GADL1: variants seen among roughly 807,000 people sequenced by gnomAD.
GADL1 encodes GAD like acidic amino acid decarboxylase 1.
GADL1 carries 71 observed loss-of-function variants against 69.5 expected under a neutral mutation model. The ratio of observed to expected loss-of-function variants is 1.02; its 90% CI spans 0.84 to 1.25. The LOEUF is 1.25. Among genes scored for constraint, GADL1 ranks in the 50% most tolerant of loss-of-function variants. The pLI is 0.00. For missense variants in GADL1, 737 were observed against 631.8 expected (o/e 1.17, Z -1.79); for synonymous variants, 254 against 214.4 (o/e 1.18, Z -1.62).
chr3:30,825,885 C>T (rs1041866711), intron 11 of GADL1, among the ~76,000 whole-genome samples: 4 of 151,846 alleles, frequency 2.6e-5, no homozygotes, highest in African/African-American at 7.3e-5. Flanking sequence ...CACATGTATA[C>T]CTATATAACA....
chr3:30,850,582 T>C (rs998865827), intron 5 of GADL1, among the ~76,000 whole-genome samples: 1 of 152,180 alleles, frequency 6.6e-6, no homozygotes, highest in Admixed American at 6.5e-5. Context: ...ACTTCCAGCA[T>C]CAAATCGATT....
At chr3:30,871,782 G>C (rs1698486377) in intron 1 of GADL1, among the ~76,000 whole-genome samples, 1 of 151,752 alleles carries the variant, frequency 6.6e-6, no homozygotes, top group Non-Finnish European at 1.5e-5. Flanking sequence ...ACACCATCCA[G>C]CTTCTGAGAG....
At chr3:30,846,544 A>C (rs1368190334) in intron 6 of GADL1, among the ~76,000 whole-genome samples, 1 of 151,512 alleles carries the variant, frequency 6.6e-6, no homozygotes, top group East Asian at 1.9e-4. Flanking sequence ...GCTGGTAGAG[A>C]GAACGGGGTA....
rs60227313 is a variant in GADL1 at position 30,889,084 on chromosome 3, TAAAAAAAAAAAAAAAAAAA to T, written c.37+5475_37+5493del. Among the ~76,000 whole-genome samples, 6 of 32,916 alleles carry T rather than the reference TAAAAAAAAAAAAAAAAAAA, an allele frequency of 1.8e-4. No individual in the cohort carries two copies. In the Admixed American group the frequency reaches 2.3e-3, roughly 13 times the overall value. The allele number at this position is 32,916 out of a possible 152,430, so 21.6% of individuals were successfully genotyped here. On this transcript the variant is annotated intron_variant, in intron 1 of 14. Coordinates refer to ENST00000282538, the MANE Select transcript of GADL1 (RefSeq NM_207359.3). ...GAAATACCGAAGACTCGGTAATCTA[TAAAAAAAAAAAAAAAAAAA>T]AAAAAAAAAAAAGAGGATTAATGGA...
At chr3:30,874,980 T>G (rs1458298830) in intron 1 of GADL1, among the ~76,000 whole-genome samples, 4 of 151,900 alleles carry the variant, frequency 2.6e-5, no homozygotes, top group African/African-American at 7.2e-5. Context: ...ACCTGTGCAT[T>G]GGCTCAGAGC....
chr3:30,803,084 C>T lies in GADL1; in HGVS notation c.1051-1996G>A, dbSNP rs182091786. Among the ~76,000 whole-genome samples the T allele has an allele frequency of 1.0e-3, 158 of 152,276 alleles. 1 individual carries two copies. The highest frequency in any genetic ancestry group is 4.4e-3 in the Admixed American group (68 of 15,294). ...ACCAGCCTACGCAACACAGTGGGAC[C>T]CTGTCTCTAGAATAATAAGAAAAAT... On this transcript the variant is annotated intron_variant, in intron 11 of 14. Coordinates refer to ENST00000282538, the MANE Select transcript of GADL1 (RefSeq NM_207359.3).
intron 1 of GADL1, among the ~76,000 whole-genome samples, chr3:30,863,824 G>A (rs1050348404): frequency 1.3e-5 from 2 of 151,396 alleles, no homozygotes; most frequent in Non-Finnish European, 2.9e-5. Flanking sequence ...AAAGTTAAAC[G>A]TTCTGATAAA....
At chr3:30,858,108 T>C (rs1398839989) in intron 2 of GADL1, among the ~76,000 whole-genome samples, 1 of 152,034 alleles carries the variant, frequency 6.6e-6, no homozygotes, top group Non-Finnish European at 1.5e-5. Flanking sequence ...AATATACTGT[T>C]ACTTATTGTA....
intron 14 of GADL1, among the ~76,000 whole-genome samples, chr3:30,744,257 A>G (rs1270105736): frequency 6.6e-6 from 1 of 152,120 alleles, no homozygotes; most frequent in Non-Finnish European, 1.5e-5. Context: ...AAGCCCCCAA[A>G]CCCTGCATTC....
chr3:30,867,232 T>C (rs749844666), intron 1 of GADL1, among the ~76,000 whole-genome samples: 25 of 151,910 alleles, frequency 1.6e-4, no homozygotes, highest in Non-Finnish European at 2.6e-4. Context: ...TTCCCATTTA[T>C]ATTAATAATA....
At chr3:30,819,517 A>AC (rs749528361) in intron 11 of GADL1, among the ~76,000 whole-genome samples, 7 of 152,164 alleles carry the variant, frequency 4.6e-5, no homozygotes, top group African/African-American at 7.2e-5. Flanking sequence ...GAGTAAACTA[A>AC]CATGGTTATT....
At position 30,848,619 on chromosome 3, in the gene GADL1, T is replaced by A. The variant is rs1159346187; in HGVS notation, c.651+1377A>T. Reference sequence around the variant, plus strand: ...CCTGGGTGATGAAGCAGTGGTAGAATAGACGGAGGCATCCACTAGAATCAC... The same window carrying A: ...CCTGGGTGATGAAGCAGTGGTAGAAAAGACGGAGGCATCCACTAGAATCAC... On this transcript the variant is annotated intron_variant, in intron 6 of 14. Coordinates refer to ENST00000282538, the MANE Select transcript of GADL1 (RefSeq NM_207359.3). Among the ~76,000 whole-genome samples the A allele has an allele frequency of 2.0e-5, 3 of 152,128 alleles. No individual in the cohort carries two copies. The East Asian group carries it at 5.8e-4, about 30-fold the overall frequency.
chr3:30,874,838 A>AGG (rs1340297847), intron 1 of GADL1, among the ~76,000 whole-genome samples: 2 of 152,056 alleles, frequency 1.3e-5, no homozygotes, highest in East Asian at 3.9e-4. Flanking sequence ...ACCTGCTTGA[A>AGG]GGGTATATCA....
chr3:30,764,240 C>A lies in GADL1; in HGVS notation c.1392+13939G>T, dbSNP rs553032807. Among the ~76,000 whole-genome samples the A allele has an allele frequency of 1.3e-4, 19 of 150,932 alleles. No homozygotes were observed. The South Asian group carries it at 3.4e-3, about 27-fold the overall frequency. On this transcript the variant is annotated intron_variant, in intron 14 of 14. Transcript: ENST00000282538. ...AATTCTCTTAAGAGATTTTTAGATC[C>A]GAGTCATTTTCCCTACTCAAATTTG...
intron 13 of GADL1, 131 bp from the exon 14 acceptor site, chr3:30,778,399 T>A (rs778783190): frequency 4.8e-6 from 3 of 627,020 alleles, no homozygotes; most frequent in Non-Finnish European, 8.5e-6. Flanking sequence ...CAGAATCTTA[T>A]AGAGTAACAA....
intron 14 of GADL1, among the ~76,000 whole-genome samples, chr3:30,767,123 T>C (rs1390307630): frequency 2.0e-5 from 3 of 152,178 alleles, no homozygotes; most frequent in Admixed American, 2.0e-4. Context: ...TTTTTAAATA[T>C]CCTCCTGTTA....
chr3:30,835,072 C>A (rs1425764281), intron 9 of GADL1, among the ~76,000 whole-genome samples: 1 of 152,056 alleles, frequency 6.6e-6, no homozygotes, highest in East Asian at 1.9e-4. Flanking sequence ...TTGATTTAAA[C>A]CTTACAGCAT....
At chr3:30,885,046 A>G (rs1310482483) in intron 1 of GADL1, among the ~76,000 whole-genome samples, 1 of 152,052 alleles carries the variant, frequency 6.6e-6, no homozygotes, top group Non-Finnish European at 1.5e-5. Context: ...GTATTTGTTC[A>G]ATACCAACTT....
intron 11 of GADL1, among the ~76,000 whole-genome samples, chr3:30,804,800 T>C (rs1473520205): frequency 6.6e-6 from 1 of 152,226 alleles, no homozygotes; most frequent in South Asian, 2.1e-4. Context: ...ACTACTTTAC[T>C]GTCTGGTTCT....
Sources: gnomAD v4.1 joint callset for allele counts (sites outside exome capture counted in the v4.1 genomes callset) on GRCh38, gnomAD v4.1.1 for gene constraint, MANE v1.5 for transcripts, NCBI Gene and HGNC (gene_info 2026-07-23, HGNC 2026-07-21) for gene names.